Variants in AMBRA1 observed in about 807,000 individuals in gnomAD.
AMBRA1 encodes activating molecule in BECN1-regulated autophagy protein 1.
AMBRA1 carries 47 observed loss-of-function variants against 125.4 expected under a neutral mutation model. The observed-to-expected ratio is 0.37, with a 90% CI of 0.30 to 0.48. The LOEUF is 0.48. AMBRA1 is among the 20% of genes least tolerant of loss of function. The probability of loss-of-function intolerance (pLI) is 0.99; values close to 1 mark genes in which losing one functional copy is unlikely to be tolerated. For synonymous variants in AMBRA1, 626 were observed against 655.5 expected, an observed-to-expected ratio of 0.95 and a Z score of 0.69; for missense variants, 1,331 against 1,693.4, an observed-to-expected ratio of 0.79 and a Z score of 3.76.
intron 1 of AMBRA1, among the ~76,000 whole-genome samples, chr11:46,585,524 G>A (rs1370042661): frequency 6.8e-6 from 1 of 147,004 alleles, no homozygotes; most frequent in Admixed American, 6.8e-5. Flanking sequence ...AAATTAGCCA[G>A]GCGTGATGGC....
intron 13 of AMBRA1, among the ~76,000 whole-genome samples, chr11:46,434,145 A>C (rs1460914168): frequency 6.6e-6 from 1 of 151,432 alleles, no homozygotes; most frequent in Non-Finnish European, 1.5e-5. Flanking sequence ...AAAGAAAGAA[A>C]GTACTTAATA....
chr11:46,450,894 G>A (rs763907989), intron 11 of AMBRA1, among the ~76,000 whole-genome samples: 1 of 152,186 alleles, frequency 6.6e-6, no homozygotes, highest in South Asian at 2.1e-4. Context: ...ATGTGTCTAC[G>A]TTGGTTCATC....
intron 1 of AMBRA1, among the ~76,000 whole-genome samples, chr11:46,581,756 C>T (rs1291380013): frequency 6.9e-6 from 1 of 145,724 alleles, no homozygotes; most frequent in Non-Finnish European, 1.5e-5. Context: ...GCCAAGACCA[C>T]ACCACTGCAC....
At chr11:46,420,310 G>T (rs1287142038) in intron 14 of AMBRA1, among the ~76,000 whole-genome samples, 2 of 152,166 alleles carry the variant, frequency 1.3e-5, no homozygotes, top group Admixed American at 1.3e-4. Flanking sequence ...AATTTCTCTC[G>T]TAGTTATCTG....
intron 5 of AMBRA1, among the ~76,000 whole-genome samples, chr11:46,544,892 G>A (rs1952927609): frequency 6.6e-6 from 1 of 152,092 alleles, no homozygotes; most frequent in Non-Finnish European, 1.5e-5. Context: ...TAAAGCAGGA[G>A]GATCACTGAA....
At chr11:46,530,915 G>C (rs143297246) in intron 7 of AMBRA1, among the ~76,000 whole-genome samples, 1 of 152,052 alleles carries the variant, frequency 6.6e-6, no homozygotes, top group Non-Finnish European at 1.5e-5. Context: ...ACGAATTCTC[G>C]CTCTGTAGCC....
At chr11:46,572,201 T>TGC (rs1235205929) in intron 1 of AMBRA1, among the ~76,000 whole-genome samples, 1 of 151,900 alleles carries the variant, frequency 6.6e-6, no homozygotes. Flanking sequence ...CTCGGGAGGC[T>TGC]AAGGCAGGAG....
chr11:46,575,031 C>A (rs1408251906), intron 1 of AMBRA1, among the ~76,000 whole-genome samples: 2 of 152,146 alleles, frequency 1.3e-5, no homozygotes, highest in Non-Finnish European at 2.9e-5. Flanking sequence ...TGAAGATATT[C>A]TTGGCAGCAG....
chr11:46,576,502 C>T (rs1482899639), intron 1 of AMBRA1, among the ~76,000 whole-genome samples: 1 of 152,152 alleles, frequency 6.6e-6, no homozygotes, highest in Admixed American at 6.5e-5. Context: ...TCATCTCTGT[C>T]ACCTCCCTCA....
intron 11 of AMBRA1, among the ~76,000 whole-genome samples, chr11:46,470,131 A>C (rs1032831060): frequency 6.6e-6 from 1 of 152,180 alleles, no homozygotes; most frequent in East Asian, 1.9e-4. Flanking sequence ...GCCAAGTGCC[A>C]AAATAAGTGC....
intron 7 of AMBRA1, among the ~76,000 whole-genome samples, chr11:46,513,355 T>C (rs1300518286): frequency 6.6e-6 from 1 of 151,242 alleles, no homozygotes; most frequent in African/African-American, 2.4e-5. Context: ...ATAAGAGTAC[T>C]CCATAGGCTT....
intron 9 of AMBRA1, among the ~76,000 whole-genome samples, chr11:46,497,608 G>A (rs1950683861): frequency 6.6e-6 from 1 of 152,170 alleles, no homozygotes; most frequent in Non-Finnish European, 1.5e-5. Flanking sequence ...AGAACCCACA[G>A]ACCTCTAGGA....
intron 11 of AMBRA1, among the ~76,000 whole-genome samples, chr11:46,481,627 T>C (rs776947747): frequency 6.6e-6 from 1 of 152,140 alleles, no homozygotes; most frequent in African/African-American, 2.4e-5. Context: ...CCTCCCAAAG[T>C]GCTGGGATTA....
At chr11:46,443,884 T>C (rs945626586) in intron 11 of AMBRA1, among the ~76,000 whole-genome samples, 3 of 152,200 alleles carry the variant, frequency 2.0e-5, no homozygotes, top group African/African-American at 4.8e-5. Context: ...TGTACATACA[T>C]GGTCTGGTAG....
At chr11:46,587,317 C>T (rs1363612005) in intron 1 of AMBRA1, among the ~76,000 whole-genome samples, 2 of 152,002 alleles carry the variant, frequency 1.3e-5, no homozygotes, top group Non-Finnish European at 2.9e-5. Flanking sequence ...GAGGTGGAGG[C>T]TGCAGTGAGC....
rs745507690 is a variant in AMBRA1, at chr11:46,411,760, C to T, written c.3117-1392G>A. 1.6e-4 allele frequency among the ~76,000 whole-genome samples: 24 copies of T among 152,150 alleles called. 1 individual carries two copies. Among genetic ancestry groups the T allele is most frequent in the Middle Eastern group, 6.8e-3 (2 of 294 alleles). On this transcript the variant is annotated intron_variant, in intron 15 of 17. Coordinates refer to ENST00000683756, the MANE Select transcript of AMBRA1 (RefSeq NM_001387011.1). Reference sequence around the variant, plus strand: ...CTAGGATTACAGGCATGAACCACTGCGCCCAGCCCAAATCTGTCTTTTTAA... The same window carrying T: ...CTAGGATTACAGGCATGAACCACTGTGCCCAGCCCAAATCTGTCTTTTTAA...
chr11:46,547,301 A>G lies in AMBRA1; in HGVS notation c.195-5T>C. On this transcript the variant is annotated splice_polypyrimidine_tract_variant and splice_region_variant and intron_variant, in intron 3 of 17. Coordinates refer to ENST00000683756, the MANE Select transcript of AMBRA1 (RefSeq NM_001387011.1). Reference sequence around the variant, plus strand: ...TGGGTGGAGGCTAAGAGAGTCCTAGAAAATCAAAGAGTAGAACTGAATTCA... The same window carrying G: ...TGGGTGGAGGCTAAGAGAGTCCTAGGAAATCAAAGAGTAGAACTGAATTCA... 1 of 1,602,590 alleles carries G rather than the reference A, an allele frequency of 6.2e-7. No individual in the cohort carries two copies. Among genetic ancestry groups the G allele is most frequent in the Non-Finnish European group, 8.5e-7 (1 of 1,175,368 alleles).
At chr11:46,495,173 G>A (rs573979165) in intron 9 of AMBRA1, 13 of 152,328 alleles carry the variant, frequency 8.5e-5, no homozygotes, top group African/African-American at 2.9e-4. Flanking sequence ...ATAAGCCAAA[G>A]GGCACTGGCT....
intron 7 of AMBRA1, among the ~76,000 whole-genome samples, chr11:46,520,561 T>TCTTC (rs1409741584): frequency 2.6e-5 from 4 of 151,854 alleles, no homozygotes; most frequent in Admixed American, 1.3e-4. Flanking sequence ...GTTCACCCTC[T>TCTTC]CTTCCCCAGT....
Sources: gnomAD v4.1 joint callset for allele counts (sites outside exome capture counted in the v4.1 genomes callset) on GRCh38, gnomAD v4.1.1 for gene constraint, MANE v1.5 for transcripts, NCBI Gene and HGNC (gene_info 2026-07-23, HGNC 2026-07-21) for gene names.